YAE1: variants seen among roughly 807,000 people sequenced by gnomAD.
YAE1 encodes the protein protein YAE1 homolog.
YAE1 carries 22 observed loss-of-function variants against 23.0 expected under a neutral mutation model. That is an observed-to-expected ratio of 0.96 (90% CI 0.68 to 1.37). YAE1 has a LOEUF of 1.37. Ranked by LOEUF, YAE1 falls within the 40% of genes most tolerant of loss-of-function variation. The probability of loss-of-function intolerance (pLI) is 0.00; values close to 1 mark genes in which losing one functional copy is unlikely to be tolerated. For missense variants in YAE1, 260 were observed against 262.1 expected, an observed-to-expected ratio of 0.99 and a Z score of 0.06; for synonymous variants, 101 against 97.0, an observed-to-expected ratio of 1.04 and a Z score of -0.24.
chr7:39,580,528 C>G (rs1790726300), intron 2 of YAE1, among the ~76,000 whole-genome samples: 2 of 150,824 alleles, frequency 1.3e-5, no homozygotes, highest in Non-Finnish European at 3.0e-5. Context: ...CAACTCACCA[C>G]TGAGAGAGGC....
intron 2 of YAE1, among the ~76,000 whole-genome samples, chr7:39,592,882 T>G (rs1790919982): frequency 6.6e-6 from 1 of 152,214 alleles, no homozygotes; most frequent in South Asian, 2.1e-4. Flanking sequence ...TTTCACCAAA[T>G]TCGGAAACAC....
chr7:39,573,906 A>G (rs894262642), downstream of YAE1, among the ~76,000 whole-genome samples: 4 of 152,318 alleles, frequency 2.6e-5, no homozygotes, highest in Non-Finnish European at 2.9e-5. Flanking sequence ...CGATCTCTCC[A>G]GGTGTGAAGA....
chr7:39,585,937 TA>T (rs1790807937), intron 2 of YAE1, among the ~76,000 whole-genome samples: 2 of 151,962 alleles, frequency 1.3e-5, no homozygotes, highest in South Asian at 4.1e-4. Context: ...ACCTCATCTC[TA>T]CAAAAAAATA....
intron 2 of YAE1, among the ~76,000 whole-genome samples, chr7:39,592,745 A>G (rs1790918455): frequency 6.6e-6 from 1 of 151,996 alleles, no homozygotes; most frequent in Non-Finnish European, 1.5e-5. Context: ...TATCCTGTCT[A>G]CAATGTGCTG....
In YAE1 at chr7:39,566,465, A is replaced by C; in HGVS notation, c.47A>C (p.Lys16Thr). 1 of 1,614,112 alleles carries C rather than the reference A, an allele frequency of 6.2e-7. No individual in the cohort carries two copies. Among genetic ancestry groups the C allele is most frequent in the Non-Finnish European group, 8.5e-7 (1 of 1,179,998 alleles). ...TCCTTGATCCAGGGCCCTGGAGACA[A>C]AGGGGACGTGTTTGACGAAGAAGCA... Reference protein sequence around the residue: ...AASLIQGPGDKGDVFDEEADE... With the variant: ...AASLIQGPGDTGDVFDEEADE... The change falls in exon 1 of 3, where the codon AAA becomes ACA. Residue 16 changes from lysine (K) to threonine (T), a missense_variant. By Grantham distance (78) the Lys-to-Thr change is moderately conservative. Transcript: ENST00000223273.
chr7:39,591,096 T>C (rs1258971547), intron 2 of YAE1, among the ~76,000 whole-genome samples: 1 of 152,230 alleles, frequency 6.6e-6, no homozygotes, highest in African/African-American at 2.4e-5. Flanking sequence ...TGTCTTCACA[T>C]GGTCATCTCT....
intron 2 of YAE1, among the ~76,000 whole-genome samples, chr7:39,596,798 A>G (rs1790981369): frequency 6.6e-6 from 1 of 152,098 alleles, no homozygotes; most frequent in Non-Finnish European, 1.5e-5. Context: ...TTAGGTCAGT[A>G]CCTAGAATAA....
At chr7:39,582,147 T>C (rs561810098) in intron 2 of YAE1, among the ~76,000 whole-genome samples, 41 of 152,056 alleles carry the variant, frequency 2.7e-4, no homozygotes, top group African/African-American at 8.7e-4. Flanking sequence ...TCTGGAAAGA[T>C]CAGACTATTG....
intron 2 of YAE1, among the ~76,000 whole-genome samples, chr7:39,591,851 C>G (rs1790904814): frequency 6.6e-6 from 1 of 152,186 alleles, no homozygotes; most frequent in Non-Finnish European, 1.5e-5. Context: ...CTCTCCCTAC[C>G]TAATTCCTGG....
intron 1 of YAE1, chr7:39,569,942 T>G: frequency 7.5e-7 from 1 of 1,326,428 alleles, no homozygotes; most frequent in Non-Finnish European, 1.1e-6. Context: ...CTGGCTGCTC[T>G]GTGACATCTA....
Position 39,566,448 on chromosome 7 carries a change from C to T in YAE1, c.30C>T (p.Ile10=). The change falls in exon 1 of 3, where the codon ATC becomes ATT. Residue 10 remains isoleucine (I), a synonymous_variant. Coordinates refer to ENST00000223273, the MANE Select transcript of YAE1 (RefSeq NM_020192.5). MSWVQAASL[I]QGPGDKGDVF... ...CGTGGGTTCAAGCAGCCTCCTTGAT[C>T]CAGGGCCCTGGAGACAAAGGGGACG... 1.2e-6 allele frequency: 2 copies of T among 1,614,188 alleles called. No individual in the cohort carries two copies. Among genetic ancestry groups the T allele is most frequent in the Non-Finnish European group, 1.7e-6 (2 of 1,180,020 alleles).
At chr7:39,586,224 G>A (rs558486103) in intron 2 of YAE1, among the ~76,000 whole-genome samples, 1 of 150,080 alleles carries the variant, frequency 6.7e-6, no homozygotes, top group Admixed American at 6.6e-5. Context: ...CCAGGCTGGA[G>A]TGCAGTGGTG....
chr7:39,572,411 A>C lies in YAE1; in HGVS notation c.386A>C (p.His129Pro). The change falls in exon 3 of 3, where the codon CAT becomes CCT. Residue 129 changes from histidine to proline, a missense_variant. Transcript: ENST00000223273. ...KHLKSITPPS[H>P]VVDLLDSIED... The stretch of plus-strand genomic sequence containing the variant: ...CTGAAATCAATCACTCCACCGTCCC[A>C]TGTTGTAGATTTATTGGACTCCATT... 1 of 1,614,162 alleles carries C rather than the reference A, an allele frequency of 6.2e-7. No homozygotes were observed. The highest frequency in any genetic ancestry group is 8.5e-7 in the Non-Finnish European group (1 of 1,179,988).
At chr7:39,611,762 T>C (rs1401008825), downstream of YAE1, among the ~76,000 whole-genome samples, 4 of 152,234 alleles carry the variant, frequency 2.6e-5, no homozygotes, top group Non-Finnish European at 5.9e-5. Flanking sequence ...CAAGATACCT[T>C]GTTTCCTTTA....
chr7:39,574,639 A>G (rs1790625452), downstream of YAE1, among the ~76,000 whole-genome samples: 1 of 151,726 alleles, frequency 6.6e-6, no homozygotes, highest in African/African-American at 2.4e-5. Context: ...AGGCTGAGGC[A>G]CAAGGATTGC....
chr7:39,570,649 C>T, intron 2 of YAE1, 22 bp downstream of exon 2: 1 of 1,579,548 alleles, frequency 6.3e-7, no homozygotes, highest in Non-Finnish European at 8.5e-7. Context: ...AGTCTAAATG[C>T]TGAATCATTT....
chr7:39,579,385 T>C (rs1157204027), intron 2 of YAE1, among the ~76,000 whole-genome samples: 2 of 152,200 alleles, frequency 1.3e-5, no homozygotes, highest in African/African-American at 4.8e-5. Context: ...AGGGGGACTG[T>C]GAGCTATGTG....
At chr7:39,568,243 A>T (rs986398965) in intron 1 of YAE1, among the ~76,000 whole-genome samples, 2 of 151,560 alleles carry the variant, frequency 1.3e-5, no homozygotes, top group Non-Finnish European at 2.9e-5. Context: ...ATCTCAAAAA[A>T]TAATGATAAT....
intron 2 of YAE1, among the ~76,000 whole-genome samples, chr7:39,586,129 CTA>C (rs2115809627): frequency 1.3e-5 from 2 of 151,772 alleles, no homozygotes; most frequent in East Asian, 3.9e-4. Context: ...AGGTATCAGT[CTA>C]TGTCAGTAAT....
Sources: gnomAD v4.1 joint callset for allele counts (sites outside exome capture counted in the v4.1 genomes callset) on GRCh38, gnomAD v4.1.1 for gene constraint, MANE v1.5 for transcripts, NCBI Gene and HGNC (gene_info 2026-07-23, HGNC 2026-07-21) for gene names.